The following INO80D variants were observed in gnomAD, a reference collection of about 807,000 sequenced individuals.
The protein encoded by INO80D is INO80 complex subunit D.
INO80D carries 21 observed loss-of-function variants against 87.6 expected under a neutral mutation model. The observed-to-expected ratio is 0.24, with a 90% CI of 0.17 to 0.35. INO80D has a LOEUF of 0.35. Among genes scored for constraint, INO80D ranks in the 10% least tolerant of loss-of-function variants. The pLI, the probability that INO80D is intolerant of heterozygous loss-of-function variation, is 1.00. For missense variants in INO80D, 982 were observed against 1,280.7 expected (o/e 0.77, Z 3.56); for synonymous variants, 440 against 491.0 (o/e 0.90, Z 1.37).
rs1687962743 is a variant in INO80D at position 206,004,307 on chromosome 2, A to T, written c.*61T>A. The T allele has an allele frequency of 7.0e-7, 1 of 1,432,466 alleles. No homozygotes were observed. The highest frequency in any genetic ancestry group is 9.6e-7 in the Non-Finnish European group (1 of 1,045,150). The allele number at this position is 1,432,466 out of a possible 1,614,324, so 88.7% of individuals were successfully genotyped here. The stretch of plus-strand genomic sequence containing the variant: ...TTAGGAAAAGGGGAGAGGGGTGCTA[A>T]AGAGGAAACAAAGATAGAAAACACT... On this transcript the variant is annotated 3_prime_UTR_variant, in exon 11 of 11. Coordinates refer to ENST00000403263, the MANE Select transcript of INO80D (RefSeq NM_017759.5). The surrounding 1 kb of genome is among the most constrained non-coding windows in gnomAD (Gnocchi z 4.9).
At chr2:206,075,727 C>G (rs1199128549) in intron 1 of INO80D, among the ~76,000 whole-genome samples, 3 of 151,398 alleles carry the variant, frequency 2.0e-5, no homozygotes, top group East Asian at 4.0e-4. Context: ...AATGAGCCAC[C>G]GTGCCCAGTT....
At chr2:206,027,597 A>G (rs994426942) in intron 6 of INO80D, among the ~76,000 whole-genome samples, 96 of 152,136 alleles carry the variant, frequency 6.3e-4, no homozygotes, top group African/African-American at 2.2e-3. Flanking sequence ...CCAGCTACTC[A>G]GGAGGCTGAG....
At chr2:206,067,505 G>A (rs2105896560) in intron 1 of INO80D, among the ~76,000 whole-genome samples, 1 of 152,052 alleles carries the variant, frequency 6.6e-6, no homozygotes, top group South Asian at 2.1e-4. Flanking sequence ...TGAGATGATG[G>A]CTGTTCTAAT....
At chr2:206,072,020 GCA>G (rs1017509154) in intron 1 of INO80D, among the ~76,000 whole-genome samples, 11 of 152,082 alleles carry the variant, frequency 7.2e-5, no homozygotes, top group Non-Finnish European at 1.5e-4. Context: ...TGGTAGGACT[GCA>G]CAGTTTGCAA....
At chr2:206,063,080 A>T in intron 2 of INO80D, 35 bp from the exon 3 acceptor site, 1 of 1,133,454 alleles carries the variant, frequency 8.8e-7, no homozygotes, top group East Asian at 2.5e-5. Context: ...AACCCAAATG[A>T]TAAATCAGAG....
intron 7 of INO80D, 140 bp downstream of exon 7, chr2:206,019,596 A>C (rs1438408653): frequency 6.2e-6 from 4 of 647,372 alleles, no homozygotes; most frequent in Non-Finnish European, 1.0e-5. Flanking sequence ...GGACATCATG[A>C]AAATTATGTT....
At position 206,004,858 on chromosome 2, in the gene INO80D, G is replaced by A; in HGVS notation, c.2594C>T (p.Pro865Leu). The A allele has an allele frequency of 1.2e-6, 2 of 1,614,012 alleles. No homozygotes were observed. The highest frequency in any genetic ancestry group is 1.7e-6 in the Non-Finnish European group (2 of 1,179,888). Reference protein sequence around the residue: ...NMAATFSAEMPIMAQHLLPTQ... With the variant: ...NMAATFSAEMLIMAQHLLPTQ... ...TGGGAGCAAGTGCTGCGCCATGATG[G>A]GCATCTCTGCTGAAAAGGTAGCTGC... Residue 865 changes from proline (P) to leucine (L), a missense_variant, in exon 11 of 11, where the codon CCC becomes CTC. By Grantham distance (98) the Pro-to-Leu change is moderately conservative. Transcript: ENST00000403263. The surrounding 1 kb of genome is among the most constrained non-coding windows in gnomAD (Gnocchi z 4.9).
chr2:206,074,481 C>A (rs980864236), intron 1 of INO80D, among the ~76,000 whole-genome samples: 1 of 152,078 alleles, frequency 6.6e-6, no homozygotes, highest in Non-Finnish European at 1.5e-5. Context: ...GGCATGATTG[C>A]GGGTGCCTGT....
rs1280936828 is a variant in INO80D at position 205,998,058 on chromosome 2, G to A, written c.*6310C>T. ...AAAAAGTTCCTGAATAAGACACTGA[G>A]AACATCTAGATTTATTATTTTCTCT... On this transcript the variant is annotated 3_prime_UTR_variant, in exon 11 of 11. Coordinates refer to ENST00000403263, the MANE Select transcript of INO80D (RefSeq NM_017759.5). 1 of 152,088 alleles carries A rather than the reference G, an allele frequency of 6.6e-6. No homozygotes were observed. The highest frequency in any genetic ancestry group is 1.5e-5 in the Non-Finnish European group (1 of 67,994). The allele number at this position is 152,088 out of a possible 1,614,324, so 9.4% of individuals were successfully genotyped here. A position where few individuals can be genotyped will look rare whatever the true frequency, so the allele number is the denominator to read the frequency against.
chr2:206,064,143 C>A (rs1451310228), intron 1 of INO80D, among the ~76,000 whole-genome samples: 1 of 152,196 alleles, frequency 6.6e-6, no homozygotes, highest in East Asian at 1.9e-4. Context: ...CAAAGTTCTG[C>A]ACCACATGGT....
At position 206,056,961 on chromosome 2, in the gene INO80D, A is replaced by G; in HGVS notation, c.219-18T>C. 1 of 1,545,182 alleles carries G rather than the reference A, an allele frequency of 6.5e-7. No homozygotes were observed. ...TGCAGTACCTTTAAAATACACACAT[A>G]CATGGGAAAACAGTCATGATACATA... On this transcript the variant is annotated intron_variant, in intron 3 of 10. Transcript: ENST00000403263.
In INO80D at chr2:206,063,514, C is replaced by G. The variant is rs188916660; in HGVS notation, c.-123-270G>C. On this transcript the variant is annotated intron_variant, in intron 1 of 10. Transcript: ENST00000403263. The stretch of plus-strand genomic sequence containing the variant: ...TTTGAGACCAGCCTGGCCAAAATGG[C>G]GAAACCCCGTCTCTATTAAAAATAC... The G allele has an allele frequency of 4.4e-5, 7 of 158,104 alleles. No homozygotes were observed. In the Admixed American group the frequency reaches 4.6e-4, roughly 10 times the overall value. The allele number at this position is 158,104 out of a possible 1,614,324, so 9.8% of individuals were successfully genotyped here.
intron 1 of INO80D, among the ~76,000 whole-genome samples, chr2:206,080,192 T>A (rs1690236503): frequency 6.6e-6 from 1 of 152,214 alleles, no homozygotes; most frequent in African/African-American, 2.4e-5. Flanking sequence ...GTTAAATGAA[T>A]GAACCAGCAG....
intron 1 of INO80D, among the ~76,000 whole-genome samples, chr2:206,066,951 T>C (rs574175595): frequency 2.7e-4 from 20 of 74,372 alleles, no homozygotes; most frequent in Middle Eastern, 6.6e-3. Context: ...GTTGATCTCA[T>C]AGAAGCTAAA....
chr2:206,040,669 C>A, intron 5 of INO80D: 1 of 225,236 alleles, frequency 4.4e-6, no homozygotes, highest in East Asian at 1.3e-4. Context: ...TAACTACAAT[C>A]ATCTTACGCC....
chr2:206,035,537 T>G (rs1244142364), intron 5 of INO80D, among the ~76,000 whole-genome samples: 1 of 152,116 alleles, frequency 6.6e-6, no homozygotes, highest in Non-Finnish European at 1.5e-5. Context: ...GCTAGCCACA[T>G]GTAGGAGAAT....
In INO80D at chr2:206,004,545, C is replaced by T; in HGVS notation, c.2907G>A (p.Lys969=). 6.2e-7 allele frequency: 1 copy of T among 1,611,032 alleles called. No homozygotes were observed. The highest frequency in any genetic ancestry group is 8.5e-7 in the Non-Finnish European group (1 of 1,178,714). Residue 969 remains lysine (K), a synonymous_variant, in exon 11 of 11, where the codon AAG becomes AAA. Coordinates refer to ENST00000403263, the MANE Select transcript of INO80D (RefSeq NM_017759.5). This position sits in a 1 kb window ranked among gnomAD's most constrained non-coding sequence, Gnocchi z 4.9. The part of the protein sequence containing the change: ...SAELMASTSP[K]QQLPQFSAAF... ...CTGCGCTGAACTGAGGGAGTTGCTG[C>T]TTGGGAGAGGTGGAGGCCATTAGTT...
At chr2:206,029,991 C>T (rs1341055444) in intron 5 of INO80D, among the ~76,000 whole-genome samples, 3 of 152,186 alleles carry the variant, frequency 2.0e-5, no homozygotes, top group Admixed American at 6.5e-5. Context: ...ATCTACTGAA[C>T]CAGAATCTCC....
chr2:206,008,496 G>C (rs374025073), intron 9 of INO80D, among the ~76,000 whole-genome samples: 3 of 150,698 alleles, frequency 2.0e-5, no homozygotes, highest in Non-Finnish European at 4.4e-5. Flanking sequence ...GGCCAGGCTG[G>C]TCTCGAACTC....
Sources: gnomAD v4.1 joint callset for allele counts (sites outside exome capture counted in the v4.1 genomes callset) on GRCh38, gnomAD v4.1.1 for gene constraint, Gnocchi (gnomAD v3.1) non-coding constraint, MANE v1.5 for transcripts, NCBI Gene and HGNC (gene_info 2026-07-23, HGNC 2026-07-21) for gene names.